The following AGMO variants were observed in gnomAD, a reference collection of about 807,000 sequenced individuals.
The protein encoded by AGMO is alkylglycerol monooxygenase.
A neutral mutation model predicts 60.2 loss-of-function variants in AGMO; 75 were observed. That is an observed-to-expected ratio of 1.25 (90% CI 1.03 to 1.51). The LOEUF (loss-of-function observed/expected upper bound fraction) is 1.51, where lower values mean the gene tolerates loss of function less well. Ranked by LOEUF, AGMO falls within the 40% of genes most tolerant of loss-of-function variation. The pLI, the probability that AGMO is intolerant of heterozygous loss-of-function variation, is 0.00. For synonymous variants in AGMO, 261 were observed against 177.1 expected, an observed-to-expected ratio of 1.47 and a Z score of -3.76; for missense variants, 763 against 525.5, an observed-to-expected ratio of 1.45 and a Z score of -4.42.
chr7:15,139,820 CAAAAAAA>C, the AGMO span, among the ~76,000 whole-genome samples: 3 of 66,290 alleles, frequency 4.5e-5, no homozygotes, highest in Non-Finnish European at 1.1e-4. Context: ...TCTCAAAAGA[CAAAAAAA>C]AAAAAAAAAA....
intron 12 of AGMO, among the ~76,000 whole-genome samples, chr7:15,321,306 T>C (rs1781101314): frequency 6.6e-6 from 1 of 152,146 alleles, no homozygotes; most frequent in South Asian, 2.1e-4. Context: ...ACGGATGTTC[T>C]ACATTATGCA....
chr7:15,210,110 C>G (rs1015742718), intron 12 of AGMO, among the ~76,000 whole-genome samples: 1 of 152,018 alleles, frequency 6.6e-6, no homozygotes, highest in Admixed American at 6.6e-5. Flanking sequence ...TCAAATGATA[C>G]AGAGTATTGG....
chr7:15,358,593 T>TAAAAAGACCTTA (rs1343685615), intron 12 of AGMO: 7 of 339,274 alleles, frequency 2.1e-5, no homozygotes, highest in Non-Finnish European at 3.6e-5. Flanking sequence ...CTCCCCAAGA[T>TAAAAAGACCTTA]AAAAAGACCT....
intron 3 of AGMO, among the ~76,000 whole-genome samples, chr7:15,494,146 T>C (rs535016322): frequency 6.6e-6 from 1 of 152,312 alleles, no homozygotes; most frequent in Non-Finnish European, 1.5e-5. Context: ...CTACACCTAA[T>C]GGGAACTAAA....
At chr7:15,556,874 A>T (rs1583688327) in intron 2 of AGMO, among the ~76,000 whole-genome samples, 1 of 152,192 alleles carries the variant, frequency 6.6e-6, no homozygotes, top group South Asian at 2.1e-4. Flanking sequence ...CTAGTATCTG[A>T]CTAGGAAGTC....
At chr7:15,267,374 T>TG (rs1783463435) in intron 12 of AGMO, among the ~76,000 whole-genome samples, 1 of 152,020 alleles carries the variant, frequency 6.6e-6, no homozygotes, top group African/African-American at 2.4e-5. Context: ...AAACTCCATC[T>TG]GTTTTTAAAC....
At chr7:15,482,896 T>C (rs918437644) in intron 3 of AGMO, among the ~76,000 whole-genome samples, 1 of 152,214 alleles carries the variant, frequency 6.6e-6, no homozygotes, top group African/African-American at 2.4e-5. Context: ...AGCATGTCAA[T>C]AGATGTAGAA....
intron 3 of AGMO, among the ~76,000 whole-genome samples, chr7:15,447,099 C>T (rs1781719110): frequency 1.3e-5 from 2 of 152,192 alleles, no homozygotes; most frequent in South Asian, 4.1e-4. Flanking sequence ...AGCAGTAGTA[C>T]TCTTTTAAGT....
chr7:15,502,886 C>A (rs1043594895), intron 3 of AGMO, among the ~76,000 whole-genome samples: 1 of 151,952 alleles, frequency 6.6e-6, no homozygotes, highest in Non-Finnish European at 1.5e-5. Context: ...GCAGTTCCAT[C>A]CTGTTTTAGA....
At chr7:15,302,540 A>C (rs1235598075) in intron 12 of AGMO, among the ~76,000 whole-genome samples, 1 of 152,198 alleles carries the variant, frequency 6.6e-6, no homozygotes, top group Non-Finnish European at 1.5e-5. Context: ...TAAAATGCAA[A>C]GGTTCCTTAA....
intron 3 of AGMO, among the ~76,000 whole-genome samples, chr7:15,485,289 G>A (rs1266255607): frequency 6.6e-6 from 1 of 151,782 alleles, no homozygotes; most frequent in Non-Finnish European, 1.5e-5. Flanking sequence ...TGCACTCCAG[G>A]CTGTGAGACA....
chr7:15,472,664 G>C (rs545203579), intron 3 of AGMO, among the ~76,000 whole-genome samples: 1 of 151,920 alleles, frequency 6.6e-6, no homozygotes, highest in Non-Finnish European at 1.5e-5. Flanking sequence ...ATACTTGTTT[G>C]ATGTTTTAAG....
chr7:15,300,504 T>G (rs1215209089), intron 12 of AGMO, among the ~76,000 whole-genome samples: 1 of 151,342 alleles, frequency 6.6e-6, no homozygotes, highest in Admixed American at 6.6e-5. Flanking sequence ...TGAAGAAAAC[T>G]GAAAAAAAAA....
intron 12 of AGMO, among the ~76,000 whole-genome samples, chr7:15,303,226 A>G (rs1437030808): frequency 6.6e-6 from 1 of 152,190 alleles, no homozygotes; most frequent in Non-Finnish European, 1.5e-5. Flanking sequence ...GAAAATACCA[A>G]GGAGTTTTCA....
chr7:15,557,059 T>C (rs1404777270), intron 2 of AGMO, among the ~76,000 whole-genome samples: 1 of 152,050 alleles, frequency 6.6e-6, no homozygotes, highest in Admixed American at 6.6e-5. Context: ...AGGCAGCATG[T>C]GTCTTTTCTA....
chr7:15,176,686 C>T, the AGMO span, among the ~76,000 whole-genome samples: 37 of 151,856 alleles, frequency 2.4e-4, no homozygotes, highest in Admixed American at 3.3e-4. Flanking sequence ...GGGTCAGGGG[C>T]ACTTAAGCAA....
the AGMO span, among the ~76,000 whole-genome samples, chr7:15,168,888 A>T: frequency 6.6e-6 from 1 of 152,234 alleles, no homozygotes; most frequent in Non-Finnish European, 1.5e-5. Flanking sequence ...CTCTCATTGG[A>T]GAAATTCTGA....
rs60239009 is a variant in AGMO, at chr7:15,361,546, A to AAAAAAAAAAAGAAAAAAAAAG, written c.1263+3967_1263+3968insCTTTTTTTTTCTTTTTTTTTT. The stretch of plus-strand genomic sequence containing the variant: ...CAGAGCGAGACTGTGTCTCAAAAAA[A>AAAAAAAAAAAGAAAAAAAAAG]AAAAAAAAGGTTTTGAGATTTAGAT... On this transcript the variant is annotated intron_variant, in intron 12 of 12. Transcript: ENST00000342526. Among the ~76,000 whole-genome samples the AAAAAAAAAAAGAAAAAAAAAG allele has an allele frequency of 8.1e-4, 74 of 91,422 alleles. 4 individuals carry two copies. The highest frequency in any genetic ancestry group is 3.2e-3 in the African/African-American group (74 of 23,292). 60.0% of individuals were successfully genotyped at this position (91,422 alleles called of 152,430 possible).
At chr7:15,270,150 A>G (rs747937805) in intron 12 of AGMO, among the ~76,000 whole-genome samples, 4 of 152,068 alleles carry the variant, frequency 2.6e-5, no homozygotes, top group Non-Finnish European at 5.9e-5. Context: ...GCTAGTTCAA[A>G]TGGTAGTTCT....
Sources: allele counts gnomAD v4.1 joint callset (sites outside exome capture counted in the v4.1 genomes callset), GRCh38; gene constraint gnomAD v4.1.1; transcripts MANE v1.5; gene names NCBI Gene and HGNC (gene_info 2026-07-23, HGNC 2026-07-21).